FHIT: variants seen among roughly 807,000 people sequenced by gnomAD.
FHIT encodes bis(5'-adenosyl)-triphosphatase.
In FHIT, 19 loss-of-function variants were observed where a neutral mutation model predicts 17.9. That is an observed-to-expected ratio of 1.06 (90% CI 0.74 to 1.56). FHIT has a LOEUF of 1.56. FHIT is among the 40% of genes most tolerant of loss of function. FHIT has a pLI of 0.00. For missense variants in FHIT, 248 were observed against 189.2 expected, an observed-to-expected ratio of 1.31 and a Z score of -1.82; for synonymous variants, 81 against 69.7, an observed-to-expected ratio of 1.16 and a Z score of -0.81.
At chr3:60,223,855 G>T (rs1404129394) in intron 5 of FHIT, among the ~76,000 whole-genome samples, 1 of 152,060 alleles carries the variant, frequency 6.6e-6, no homozygotes. Flanking sequence ...TGGCTGACTT[G>T]GTTCTGGCCC....
intron 3 of FHIT, among the ~76,000 whole-genome samples, chr3:60,896,983 C>T (rs1338248771): frequency 6.6e-6 from 1 of 152,130 alleles, no homozygotes; most frequent in Non-Finnish European, 1.5e-5. Context: ...TATCCTTTTG[C>T]AAAAATAATC....
intron 4 of FHIT, among the ~76,000 whole-genome samples, chr3:60,751,738 A>G (rs2042470563): frequency 9.0e-6 from 1 of 111,648 alleles, no homozygotes; most frequent in Non-Finnish European, 1.9e-5. Flanking sequence ...TAATGGTAGT[A>G]TTTTATGAAA....
intron 5 of FHIT, among the ~76,000 whole-genome samples, chr3:60,218,398 A>G (rs563392623): frequency 5.9e-5 from 9 of 152,192 alleles, no homozygotes; most frequent in Non-Finnish European, 1.3e-4. Context: ...TTGTACAGCT[A>G]GGTCATAAGC....
intron 2 of FHIT, among the ~76,000 whole-genome samples, chr3:61,092,013 A>G (rs1429042609): frequency 6.8e-6 from 1 of 146,632 alleles, no homozygotes; most frequent in African/African-American, 2.5e-5. Flanking sequence ...TTAGTTCTTC[A>G]GGCTACTATC....
At chr3:60,183,335 T>A (rs1164426992) in intron 5 of FHIT, among the ~76,000 whole-genome samples, 1 of 151,984 alleles carries the variant, frequency 6.6e-6, no homozygotes, top group Non-Finnish European at 1.5e-5. Context: ...GAGGCAGAGG[T>A]TGCAGTGAGC....
chr3:59,814,100 A>G (rs1700511145), intron 8 of FHIT, among the ~76,000 whole-genome samples: 1 of 151,362 alleles, frequency 6.6e-6, no homozygotes, highest in Admixed American at 6.6e-5. Flanking sequence ...TTCAGGGAGG[A>G]GAAAGCCTGC....
chr3:59,971,648 T>C (rs1010717340), intron 7 of FHIT, among the ~76,000 whole-genome samples: 6 of 152,244 alleles, frequency 3.9e-5, no homozygotes, highest in Admixed American at 2.6e-4. Context: ...CATCAACCAA[T>C]GGGAGAAAAG....
chr3:60,311,510 C>G (rs1469179343), intron 5 of FHIT, among the ~76,000 whole-genome samples: 2 of 152,154 alleles, frequency 1.3e-5, no homozygotes, highest in East Asian at 3.8e-4. Context: ...AAACACAAGA[C>G]TGCTTAATAT....
intron 3 of FHIT, among the ~76,000 whole-genome samples, chr3:60,939,997 T>A (rs1270264667): frequency 2.6e-5 from 4 of 152,128 alleles, no homozygotes; most frequent in Non-Finnish European, 5.9e-5. Context: ...ACAGACCATG[T>A]CTGAATTATT....
chr3:60,068,019 T>A (rs1468501099), intron 5 of FHIT, among the ~76,000 whole-genome samples: 2 of 152,086 alleles, frequency 1.3e-5, no homozygotes, highest in Non-Finnish European at 2.9e-5. Context: ...GTGGATCATA[T>A]GAGGCCAGGA....
intron 3 of FHIT, among the ~76,000 whole-genome samples, chr3:60,871,313 T>A (rs1368027348): frequency 6.6e-6 from 1 of 152,122 alleles, no homozygotes; most frequent in Non-Finnish European, 1.5e-5. Flanking sequence ...CTGCTTCTGT[T>A]ACATGACTAC....
At chr3:60,762,657 T>G (rs1345162541) in intron 4 of FHIT, among the ~76,000 whole-genome samples, 2 of 152,220 alleles carry the variant, frequency 1.3e-5, no homozygotes, top group African/African-American at 2.4e-5. Flanking sequence ...CATATCTGGA[T>G]GTCACTGTGA....
chr3:59,799,378 A>T (rs931766590), intron 8 of FHIT, among the ~76,000 whole-genome samples: 4 of 151,792 alleles, frequency 2.6e-5, no homozygotes, highest in Admixed American at 2.0e-4. Context: ...CAGAGAAAAA[A>T]ATACCTTAGG....
chr3:60,107,111 A>C (rs1449783632), intron 5 of FHIT, among the ~76,000 whole-genome samples: 1 of 147,176 alleles, frequency 6.8e-6, no homozygotes, highest in Non-Finnish European at 1.5e-5. Context: ...GAAAAGGCTC[A>C]TTTGATTAAA....
In FHIT at chr3:60,308,496, G is replaced by GTATATATATATATATA. The variant is rs5849349; in HGVS notation, c.103+228348_103+228363dup. On this transcript the variant is annotated intron_variant, in intron 5 of 9. Coordinates refer to ENST00000492590, the MANE Select transcript of FHIT (RefSeq NM_002012.4). ...TATAGGTATAGGTATAGGTGTATGT[G>GTATATATATATATATA]TATATATATATATATATATATATAT... Among the ~76,000 whole-genome samples the GTATATATATATATATA allele has an allele frequency of 9.2e-4, 130 of 140,872 alleles. 2 individuals are homozygous for GTATATATATATATATA. The highest frequency in any genetic ancestry group is 2.2e-3 in the African/African-American group (83 of 37,430). 92.4% of individuals were successfully genotyped at this position (140,872 alleles called of 152,430 possible).
intron 4 of FHIT, among the ~76,000 whole-genome samples, chr3:60,649,374 C>T (rs919688382): frequency 6.6e-6 from 1 of 152,104 alleles, no homozygotes; most frequent in African/African-American, 2.4e-5. Flanking sequence ...TGCACTCCAG[C>T]CTGGGTGACA....
At chr3:60,501,173 G>T (rs975538196) in intron 5 of FHIT, among the ~76,000 whole-genome samples, 2 of 152,080 alleles carry the variant, frequency 1.3e-5, no homozygotes, top group African/African-American at 4.8e-5. Flanking sequence ...TGTAAAATAG[G>T]CTGAGAAACC....
At chr3:60,362,444 C>T (rs549824681) in intron 5 of FHIT, among the ~76,000 whole-genome samples, 2 of 152,028 alleles carry the variant, frequency 1.3e-5, no homozygotes, top group Non-Finnish European at 2.9e-5. Flanking sequence ...ATTTTCAGAA[C>T]AAATTAATTT....
chr3:60,501,931 G>A (rs548727167), intron 5 of FHIT, among the ~76,000 whole-genome samples: 25 of 152,336 alleles, frequency 1.6e-4, no homozygotes, highest in African/African-American at 6.0e-4. Flanking sequence ...TTGCCATCCA[G>A]GCGGTTCTTT....
Sources: gnomAD v4.1 joint callset for allele counts (sites outside exome capture counted in the v4.1 genomes callset) on GRCh38, gnomAD v4.1.1 for gene constraint, MANE v1.5 for transcripts, NCBI Gene and HGNC (gene_info 2026-07-23, HGNC 2026-07-21) for gene names.